GALK2: variants seen among roughly 807,000 people sequenced by gnomAD.
GALK2 encodes galactokinase 2.
Under a neutral mutation model 52.4 loss-of-function variants are expected in GALK2, and 36 were observed. The ratio of observed to expected loss-of-function variants is 0.69; its 90% CI spans 0.53 to 0.91. The LOEUF (loss-of-function observed/expected upper bound fraction) is 0.91. Among genes scored for constraint, GALK2 ranks in the 40% least tolerant of loss-of-function variants. GALK2 has a pLI of 0.00. For synonymous variants in GALK2, 176 were observed against 199.1 expected (o/e 0.88, Z 0.98); for missense variants, 579 against 559.1 (o/e 1.04, Z -0.36).
rs564614172 is a variant in GALK2 at position 49,287,385 on chromosome 15, C to G, written c.756+3667C>G. Among the ~76,000 whole-genome samples the G allele has an allele frequency of 2.0e-4, 30 of 152,272 alleles. 1 individual carries two copies. The South Asian group carries it at 6.2e-3, about 32-fold the overall frequency. The stretch of plus-strand genomic sequence containing the variant: ...TTCTAAATCATGTTGCTGCAAATCA[C>G]TAAAATCCCAGGTTTTATACAAAAG... On this transcript the variant is annotated intron_variant, in intron 7 of 9. Coordinates refer to ENST00000560031, the MANE Select transcript of GALK2 (RefSeq NM_002044.4).
chr15:49,325,360 G>T (rs1351902151), intron 9 of GALK2, among the ~76,000 whole-genome samples: 4 of 152,130 alleles, frequency 2.6e-5, no homozygotes, highest in Non-Finnish European at 5.9e-5. Context: ...TGTAATTCTT[G>T]TATTGCCTCT....
chr15:49,247,487 C>T (rs945975358), intron 5 of GALK2, among the ~76,000 whole-genome samples: 1 of 152,038 alleles, frequency 6.6e-6, no homozygotes, highest in Non-Finnish European at 1.5e-5. Context: ...ATGGTCAATG[C>T]CCTTATGGAA....
intron 1 of GALK2, among the ~76,000 whole-genome samples, chr15:49,173,677 C>T (rs1220573991): frequency 6.6e-6 from 1 of 151,860 alleles, no homozygotes; most frequent in African/African-American, 2.4e-5. Flanking sequence ...TTTTTACTTA[C>T]TTTTTTTCAC....
At chr15:49,156,438 T>C in intron 1 of GALK2, 1 of 453,892 alleles carries the variant, frequency 2.2e-6, no homozygotes, top group South Asian at 1.9e-5. Flanking sequence ...ACCAGCAGCC[T>C]CCTGCCAGAG....
At chr15:49,342,379 T>C (rs904265890) in intron 3 of GALK2, among the ~76,000 whole-genome samples, 1 of 152,204 alleles carries the variant, frequency 6.6e-6, no homozygotes, top group Non-Finnish European at 1.5e-5. Context: ...ATTTATGTGA[T>C]AGAACTTTCT....
At chr15:49,212,166 C>G (rs1004748724) in intron 2 of GALK2, among the ~76,000 whole-genome samples, 1 of 152,190 alleles carries the variant, frequency 6.6e-6, no homozygotes, top group African/African-American at 2.4e-5. Flanking sequence ...TATCTCAACT[C>G]ACTGCAACCT....
At chr15:49,339,124 A>G (rs2040274732) in intron 3 of GALK2, among the ~76,000 whole-genome samples, 2 of 152,078 alleles carry the variant, frequency 1.3e-5, no homozygotes, top group South Asian at 4.1e-4. Context: ...TCTGAAGCCT[A>G]CTTCTGTCAG....
rs754947532 is a variant in GALK2 at position 49,255,508 on chromosome 15, C to T, written c.504+16141C>T. Among the ~76,000 whole-genome samples, 72 of 142,704 alleles carry T rather than the reference C, an allele frequency of 5.0e-4. 14 individuals are homozygous for T. Among genetic ancestry groups the T allele is most frequent in the Non-Finnish European group, 9.3e-4 (59 of 63,678 alleles). The allele number at this position is 142,704 out of a possible 152,430, so 93.6% of individuals were successfully genotyped here. ...TCAAATTTCCTGAATTTGGATTTGTCAGACGGTTGCCTTATTATTAGATTG... is the reference window on the plus strand; with the variant it reads ...TCAAATTTCCTGAATTTGGATTTGTTAGACGGTTGCCTTATTATTAGATTG... On this transcript the variant is annotated intron_variant, in intron 5 of 9. Coordinates refer to ENST00000560031, the MANE Select transcript of GALK2 (RefSeq NM_002044.4).
intron 3 of GALK2, among the ~76,000 whole-genome samples, chr15:49,220,809 G>A (rs1390256720): frequency 1.3e-5 from 2 of 152,112 alleles, no homozygotes; most frequent in East Asian, 1.9e-4. Context: ...TTGTGGTTTT[G>A]ATTTCCATTT....
chr15:49,344,308 T>C (rs1394191193), intron 3 of GALK2: 1 of 152,234 alleles, frequency 6.6e-6, no homozygotes, highest in Non-Finnish European at 1.5e-5. Flanking sequence ...AATATTGTTA[T>C]AATGGTATGG....
intron 1 of GALK2, among the ~76,000 whole-genome samples, chr15:49,164,588 C>T (rs1423361991): frequency 1.3e-5 from 2 of 151,820 alleles, no homozygotes; most frequent in African/African-American, 4.8e-5. Context: ...CAAGATCAGC[C>T]TGGCCAACAT....
At chr15:49,192,910 C>T (rs1461636997) in intron 1 of GALK2, among the ~76,000 whole-genome samples, 2 of 152,006 alleles carry the variant, frequency 1.3e-5, no homozygotes, top group Non-Finnish European at 2.9e-5. Flanking sequence ...TTGGCATCCC[C>T]AAGTACTGGG....
At chr15:49,348,978 A>T (rs1033036703) in intron 3 of GALK2, among the ~76,000 whole-genome samples, 2 of 152,186 alleles carry the variant, frequency 1.3e-5, no homozygotes, top group Non-Finnish European at 2.9e-5. Flanking sequence ...CCGTTGAGTC[A>T]TGTTTATAAT....
At chr15:49,299,718 CTTTCTTTCTTTCT>C (rs2034813486) in intron 8 of GALK2, among the ~76,000 whole-genome samples, 1 of 44,360 alleles carries the variant, frequency 2.3e-5, no homozygotes, top group South Asian at 1.0e-3. Flanking sequence ...TGCTTTCTTT[CTTTCTTTCTTTCT>C]TTCTTTTCTT....
chr15:49,183,664 A>G (rs748678131), intron 1 of GALK2, among the ~76,000 whole-genome samples: 6 of 152,240 alleles, frequency 3.9e-5, no homozygotes, highest in Admixed American at 1.3e-4. Flanking sequence ...ACCAACGTGG[A>G]GAAACCCTGA....
chr15:49,335,989 C>G (rs1009303768), downstream of GALK2, among the ~76,000 whole-genome samples: 1 of 152,120 alleles, frequency 6.6e-6, no homozygotes, highest in Non-Finnish European at 1.5e-5. Context: ...GAGTAGTAGA[C>G]AGTTTCTCGC....
rs117599169 is a variant in GALK2, at chr15:49,283,843, A to G, written c.756+125A>G. ...AACATTCTGACTGCACAGCATTCCAACTGAAGGTCTTTGGGTACAGAGAAA... is the reference window on the plus strand; with the variant it reads ...AACATTCTGACTGCACAGCATTCCAGCTGAAGGTCTTTGGGTACAGAGAAA... On this transcript the variant is annotated intron_variant, in intron 7 of 9. Coordinates refer to ENST00000560031, the MANE Select transcript of GALK2 (RefSeq NM_002044.4). The G allele has an allele frequency of 6.6e-3, 6,009 of 912,562 alleles. 30 individuals are homozygous for G. The highest frequency in any genetic ancestry group is 7.3e-3 in the Non-Finnish European group (4,410 of 602,448). 56.5% of individuals were successfully genotyped at this position (912,562 alleles called of 1,614,324 possible). A position where few individuals can be genotyped will look rare whatever the true frequency, so the allele number is the denominator to read the frequency against.
chr15:49,304,908 C>T (rs1333284655), intron 8 of GALK2, among the ~76,000 whole-genome samples: 1 of 152,184 alleles, frequency 6.6e-6, no homozygotes, highest in Non-Finnish European at 1.5e-5. Context: ...ATTTTATCTG[C>T]ACATGATCTG....
intron 7 of GALK2, among the ~76,000 whole-genome samples, chr15:49,285,926 C>T (rs1312711210): frequency 1.3e-5 from 2 of 152,140 alleles, no homozygotes; most frequent in African/African-American, 2.4e-5. Context: ...GACCTGTGCA[C>T]CTCATCCTCT....
Sources: allele counts gnomAD v4.1 joint callset (sites outside exome capture counted in the v4.1 genomes callset), GRCh38; gene constraint gnomAD v4.1.1; transcripts MANE v1.5; gene names NCBI Gene and HGNC (gene_info 2026-07-23, HGNC 2026-07-21).